CLNK: variants seen among roughly 807,000 people sequenced by gnomAD.
CLNK encodes cytokine dependent hematopoietic cell linker.
Under a neutral mutation model 68.6 loss-of-function variants are expected in CLNK, and 74 were observed. The observed-to-expected ratio is 1.08, with a 90% confidence interval of 0.89 to 1.31. The LOEUF (loss-of-function observed/expected upper bound fraction) is 1.31. Among genes scored for constraint, CLNK ranks in the 50% most tolerant of loss-of-function variants. The probability of loss-of-function intolerance (pLI) is 0.00; values close to 1 mark genes in which losing one functional copy is unlikely to be tolerated. For missense variants in CLNK, 553 were observed against 515.3 expected, an observed-to-expected ratio of 1.07 and a Z score of -0.71; for synonymous variants, 198 against 172.2, an observed-to-expected ratio of 1.15 and a Z score of -1.17.
intron 1 of CLNK, among the ~76,000 whole-genome samples, chr4:10,676,707 T>C (rs1231821845): frequency 6.6e-6 from 1 of 152,120 alleles, no homozygotes; most frequent in African/African-American, 2.4e-5. Context: ...AGATTCTTTC[T>C]CTCTCCTCTT....
At chr4:10,523,638 T>C (rs1391180008) in intron 14 of CLNK, among the ~76,000 whole-genome samples, 2 of 152,138 alleles carry the variant, frequency 1.3e-5, no homozygotes, top group Admixed American at 6.5e-5. Context: ...TGAAACCACA[T>C]CAAATAACTA....
At chr4:10,572,017 G>A (rs1720373108) in intron 4 of CLNK, among the ~76,000 whole-genome samples, 1 of 152,198 alleles carries the variant, frequency 6.6e-6, no homozygotes, top group African/African-American at 2.4e-5. Flanking sequence ...ACAGTGACTT[G>A]GAGGTAAGAA....
intron 2 of CLNK, among the ~76,000 whole-genome samples, chr4:10,614,888 G>C (rs947361905): frequency 6.6e-6 from 1 of 152,184 alleles, no homozygotes. Flanking sequence ...ACAGAGATTA[G>C]AAGAGCAAAG....
At chr4:10,606,721 T>C (rs1012083113) in intron 2 of CLNK, among the ~76,000 whole-genome samples, 1 of 152,184 alleles carries the variant, frequency 6.6e-6, no homozygotes, top group African/African-American at 2.4e-5. Context: ...CACCATCATA[T>C]AGAAGGCCCA....
rs1392608362 is a variant in CLNK at position 10,490,504 on chromosome 4, T to G, written c.1250A>C (p.Gln417Pro). ...GVHRKQCHLT[Q>P]PLPLTRHLLP... Reference sequence around the variant, plus strand: ...GAGGTGTCTGGTGAGAGGGAGTGGCTGAGTGAGGTGACACTGTTTCCTGTG... The same window carrying G: ...GAGGTGTCTGGTGAGAGGGAGTGGCGGAGTGAGGTGACACTGTTTCCTGTG... The change falls in exon 19 of 19, where the codon CAG becomes CCG. Residue 417 changes from glutamine (Q) to proline (P), a missense_variant. Coordinates refer to ENST00000226951, the MANE Select transcript of CLNK (RefSeq NM_052964.4). 1 of 1,613,068 alleles carries G rather than the reference T, an allele frequency of 6.2e-7. No homozygotes were observed. Among genetic ancestry groups the G allele is most frequent in the Non-Finnish European group, 8.5e-7 (1 of 1,179,620 alleles).
the CLNK span, among the ~76,000 whole-genome samples, chr4:10,708,487 C>T: frequency 6.6e-6 from 1 of 152,072 alleles, no homozygotes; most frequent in East Asian, 1.9e-4. Flanking sequence ...TCGAGATGCA[C>T]CTCTTAACCA....
intron 15 of CLNK, among the ~76,000 whole-genome samples, chr4:10,516,635 G>T (rs924593165): frequency 6.7e-6 from 1 of 149,890 alleles, no homozygotes; most frequent in Non-Finnish European, 1.5e-5. Flanking sequence ...TCACTGCAAC[G>T]TCTGCCTCCT....
intron 18 of CLNK, among the ~76,000 whole-genome samples, chr4:10,491,424 C>G (rs367620924): frequency 6.6e-6 from 1 of 152,110 alleles, no homozygotes; most frequent in Admixed American, 6.5e-5. Flanking sequence ...CCTCCAGTAA[C>G]GAAGTCTAAG....
chr4:10,654,026 G>A (rs1029018617), intron 2 of CLNK, among the ~76,000 whole-genome samples: 1 of 144,366 alleles, frequency 6.9e-6, no homozygotes, highest in Admixed American at 7.0e-5. Context: ...GCTGAGAAAG[G>A]TCCAACGTAT....
At chr4:10,572,698 C>T in intron 4 of CLNK, among the ~76,000 whole-genome samples, 1 of 152,232 alleles carries the variant, frequency 6.6e-6, no homozygotes, top group South Asian at 2.1e-4. Flanking sequence ...TTCCCTTCTT[C>T]CTTTGGCTGC....
intron 17 of CLNK, among the ~76,000 whole-genome samples, chr4:10,506,092 C>T (rs1237591390): frequency 6.6e-6 from 1 of 152,148 alleles, no homozygotes; most frequent in African/African-American, 2.4e-5. Context: ...TCTATAACTT[C>T]TAAGCAATCT....
chr4:10,707,171 G>T, the CLNK span, among the ~76,000 whole-genome samples: 1 of 151,964 alleles, frequency 6.6e-6, no homozygotes, highest in Non-Finnish European at 1.5e-5. Flanking sequence ...GGGCCACATT[G>T]GTAGAAGAAT....
At chr4:10,587,644 C>G in intron 3 of CLNK, among the ~76,000 whole-genome samples, 1 of 152,172 alleles carries the variant, frequency 6.6e-6, no homozygotes, top group East Asian at 1.9e-4. Flanking sequence ...TAACTTACTG[C>G]CTTCTGTTCA....
In CLNK at chr4:10,633,180, T is replaced by C. The variant is rs370397174; in HGVS notation, c.11+34679A>G. Among the ~76,000 whole-genome samples the C allele has an allele frequency of 3.9e-5, 6 of 152,334 alleles. No individual in the cohort carries two copies. In the South Asian group the frequency reaches 1.2e-3, roughly 32 times the overall value. On this transcript the variant is annotated intron_variant, in intron 2 of 18. Coordinates refer to ENST00000226951, the MANE Select transcript of CLNK (RefSeq NM_052964.4). ...CTCGAACTCCTGACCTTAGGTGATC[T>C]GCCTGCCTCGGCCTCCCAAAGTGCT...
chr4:10,491,686 G>A (rs1716580225), intron 18 of CLNK, among the ~76,000 whole-genome samples: 1 of 152,212 alleles, frequency 6.6e-6, no homozygotes, highest in Admixed American at 6.5e-5. Context: ...AAGTAGACAG[G>A]AGGGTTTAAA....
chr4:10,526,901 C>T (rs1560201933), intron 13 of CLNK, among the ~76,000 whole-genome samples: 1 of 152,160 alleles, frequency 6.6e-6, no homozygotes, highest in South Asian at 2.1e-4. Context: ...TCTCATAAAA[C>T]ACTCTCCCAG....
At chr4:10,547,938 G>C (rs995990754) in intron 8 of CLNK, among the ~76,000 whole-genome samples, 1 of 152,038 alleles carries the variant, frequency 6.6e-6, no homozygotes, top group Non-Finnish European at 1.5e-5. Flanking sequence ...TGTGAATAAT[G>C]CTGCCATGAA....
intron 1 of CLNK, among the ~76,000 whole-genome samples, chr4:10,677,433 A>C (rs189296310): frequency 1.1e-4 from 16 of 152,288 alleles, no homozygotes; most frequent in African/African-American, 3.4e-4. Flanking sequence ...CAGGTAGTCT[A>C]AACAAGACTG....
intron 4 of CLNK, among the ~76,000 whole-genome samples, chr4:10,583,290 T>C (rs1171429787): frequency 2.0e-5 from 3 of 152,108 alleles, no homozygotes; most frequent in Non-Finnish European, 4.4e-5. Flanking sequence ...TTTTTTTTTC[T>C]TTTTTGAGAC....
Sources: gnomAD v4.1 joint callset for allele counts (sites outside exome capture counted in the v4.1 genomes callset) on GRCh38, gnomAD v4.1.1 for gene constraint, MANE v1.5 for transcripts, NCBI Gene and HGNC (gene_info 2026-07-23, HGNC 2026-07-21) for gene names.